The following ZDHHC21 variants were observed in gnomAD, a reference collection of about 807,000 sequenced individuals.
ZDHHC21 encodes palmitoyltransferase ZDHHC21.
Under a neutral mutation model 34.6 loss-of-function variants are expected in ZDHHC21, and 15 were observed. The ratio of observed to expected loss-of-function variants is 0.43; its 90% CI spans 0.29 to 0.67. ZDHHC21 has a LOEUF of 0.67. Among genes scored for constraint, ZDHHC21 ranks in the 30% least tolerant of loss-of-function variants. ZDHHC21 has a pLI of 0.14. For synonymous variants in ZDHHC21, 142 were observed against 101.8 expected, an observed-to-expected ratio of 1.40 and a Z score of -2.38; for missense variants, 344 against 327.7, an observed-to-expected ratio of 1.05 and a Z score of -0.38.
intron 2 of ZDHHC21, among the ~76,000 whole-genome samples, chr9:14,682,250 T>C (rs1351167940): frequency 6.6e-6 from 1 of 152,138 alleles, no homozygotes; most frequent in African/African-American, 2.4e-5. Flanking sequence ...ACTGGCAAAT[T>C]GGATAAAGAG....
Position 14,658,781 on chromosome 9 carries a change from A to C in ZDHHC21, c.472T>G (p.Tyr158Asp). The change falls in exon 7 of 10, where the codon TAC (tyrosine) becomes GAC (aspartate). Residue 158 changes from tyrosine to aspartate, a missense_variant. Coordinates refer to ENST00000380916, the MANE Select transcript of ZDHHC21 (RefSeq NM_178566.6). The stretch of plus-strand genomic sequence containing the variant: ...CGCTTTTTTAGTGGAAGAAAATAGT[A>C]ATAGTGGCAGAAAGAAAACATCAGT... ...YALMFSFCHYYYFLPLKKRNL... is the reference protein window; with the variant it reads ...YALMFSFCHYDYFLPLKKRNL... 1 of 1,613,922 alleles carries C rather than the reference A, an allele frequency of 6.2e-7. No homozygotes were observed. The highest frequency in any genetic ancestry group is 8.5e-7 in the Non-Finnish European group (1 of 1,179,952).
chr9:14,607,082 C>CA (rs3081725), downstream of ZDHHC21, among the ~76,000 whole-genome samples: 15,522 of 131,604 alleles, frequency 0.12, 1,373 homozygotes, highest in African/African-American at 0.24. Context: ...TTACTAATAG[C>CA]AAAAAAAAAA....
chr9:14,639,426 TTA>T (rs745443940), intron 8 of ZDHHC21, among the ~76,000 whole-genome samples: 7 of 152,010 alleles, frequency 4.6e-5, no homozygotes, highest in Non-Finnish European at 7.4e-5. Context: ...AAGAAATAAG[TTA>T]TAATGCTCAG....
Position 14,615,394 on chromosome 9 carries a change from A to G in ZDHHC21, c.*3572T>C, listed in dbSNP as rs1428674128. 1 of 151,766 alleles carries G rather than the reference A, an allele frequency of 6.6e-6. No homozygotes were observed. Among genetic ancestry groups the G allele is most frequent in the Non-Finnish European group, 1.5e-5 (1 of 67,752 alleles). The allele number at this position is 151,766 out of a possible 1,614,324, so 9.4% of individuals were successfully genotyped here. ...TGGCAGATGTTTTAACTCAGCTGTT[A>G]TACTGAACATTACGTATTATGTTCT... On this transcript the variant is annotated 3_prime_UTR_variant, in exon 10 of 10. Transcript: ENST00000380916.
Position 14,640,011 on chromosome 9 carries a change from T to A in ZDHHC21, c.506A>T (p.Asp169Val). ...YFLPLKKRNL[D>V]LFVFRHELAI... The stretch of plus-strand genomic sequence containing the variant: ...CAATTCATGTCTAAAAACAAAGAGG[T>A]CCTAAAAAGAAAAAGAAAGTCTTAA... Residue 169 changes from aspartate to valine, a missense_variant and splice_region_variant, in exon 8 of 10, where the codon GAC (aspartate) becomes GTC (valine). By Grantham distance (152) the Asp-to-Val change is radical. Coordinates refer to ENST00000380916, the MANE Select transcript of ZDHHC21 (RefSeq NM_178566.6). 1 of 1,579,458 alleles carries A rather than the reference T, an allele frequency of 6.3e-7. No individual in the cohort carries two copies. Among genetic ancestry groups the A allele is most frequent in the Non-Finnish European group, 8.6e-7 (1 of 1,160,026 alleles).
intron 7 of ZDHHC21, among the ~76,000 whole-genome samples, chr9:14,656,263 A>T (rs1832188765): frequency 6.6e-6 from 1 of 151,954 alleles, no homozygotes; most frequent in Non-Finnish European, 1.5e-5. Context: ...AAGTTTAGTT[A>T]TAATTCTGGT....
At chr9:14,605,329 A>G in the ZDHHC21 span, among the ~76,000 whole-genome samples, 2 of 152,030 alleles carry the variant, frequency 1.3e-5, no homozygotes, top group Non-Finnish European at 2.9e-5. Flanking sequence ...GTAACAGTAC[A>G]TAAGGGTTCC....
chr9:14,621,569 G>C (rs1825309441), intron 8 of ZDHHC21, among the ~76,000 whole-genome samples: 1 of 152,184 alleles, frequency 6.6e-6, no homozygotes, highest in South Asian at 2.1e-4. Context: ...TTATGAGTAG[G>C]ATTTGTGAGG....
At chr9:14,606,176 T>G (rs1823009660), downstream of ZDHHC21, among the ~76,000 whole-genome samples, 1 of 152,152 alleles carries the variant, frequency 6.6e-6, no homozygotes, top group Admixed American at 6.5e-5. Flanking sequence ...CAACAATATC[T>G]CCCATCCTAT....
chr9:14,686,540 A>G (rs1838351248), intron 2 of ZDHHC21, among the ~76,000 whole-genome samples: 1 of 152,238 alleles, frequency 6.6e-6, no homozygotes, highest in South Asian at 2.1e-4. Flanking sequence ...GAACCTGTAT[A>G]TCCTCCCAGG....
intron 7 of ZDHHC21, among the ~76,000 whole-genome samples, chr9:14,646,742 C>CAG (rs1191858602): frequency 1.3e-5 from 2 of 152,154 alleles, no homozygotes; most frequent in African/African-American, 4.8e-5. Context: ...ATCGCCTTAT[C>CAG]AGAGACCTTT....
intron 7 of ZDHHC21, among the ~76,000 whole-genome samples, chr9:14,642,200 CTTT>C (rs1345512300): frequency 6.6e-6 from 1 of 152,082 alleles, no homozygotes; most frequent in African/African-American, 2.4e-5. Context: ...CTAGAAATTG[CTTT>C]TTATCACTTT....
intron 5 of ZDHHC21, among the ~76,000 whole-genome samples, chr9:14,669,467 T>A (rs1835068127): frequency 6.7e-6 from 1 of 149,998 alleles, no homozygotes; most frequent in African/African-American, 2.5e-5. Flanking sequence ...GATCTAGAAC[T>A]AGAAATACCA....
At chr9:14,591,294 T>G in the ZDHHC21 span, among the ~76,000 whole-genome samples, 47 of 152,210 alleles carry the variant, frequency 3.1e-4, no homozygotes, top group African/African-American at 1.1e-3. Context: ...TAGGAGATTA[T>G]TAGGTCATGA....
At chr9:14,656,940 A>G (rs1832344059) in intron 7 of ZDHHC21, among the ~76,000 whole-genome samples, 1 of 152,002 alleles carries the variant, frequency 6.6e-6, no homozygotes, top group Non-Finnish European at 1.5e-5. Flanking sequence ...ATCTCTTAAT[A>G]AACATTTACT....
Position 14,662,257 on chromosome 9 carries a change from C to T in ZDHHC21, c.323G>A (p.Arg108His), listed in dbSNP as rs1434372522. 1.4e-5 allele frequency: 23 copies of T among 1,612,700 alleles called. No homozygotes were observed. The highest frequency in any genetic ancestry group is 8.4e-5 in the Admixed American group (5 of 59,672). The change falls in exon 6 of 10, where the codon CGC becomes CAC. Residue 108 changes from arginine to histidine, a missense_variant. By Grantham distance (29) the Arg-to-His change is conservative. Transcript: ENST00000380916. ...MRPKRSHHCS[R>H]CGHCVRRMDH... Reference sequence around the variant, plus strand: ...CATTCTCCTCACACAGTGGCCGCAGCGGCTACAGTGATGGGAACGCTTTGG... The same window carrying T: ...CATTCTCCTCACACAGTGGCCGCAGTGGCTACAGTGATGGGAACGCTTTGG...
Position 14,611,914 on chromosome 9 carries a change from A to G in ZDHHC21, c.*7052T>C, listed in dbSNP as rs1823369246. ...TATGAAGTAGAATTTTTTTTCTTTT[A>G]TATGTTCATCTCTGGGAGACAGTGA... On this transcript the variant is annotated 3_prime_UTR_variant, in exon 10 of 10. Coordinates refer to ENST00000380916, the MANE Select transcript of ZDHHC21 (RefSeq NM_178566.6). 1 of 151,842 alleles carries G rather than the reference A, an allele frequency of 6.6e-6. No homozygotes were observed. The highest frequency in any genetic ancestry group is 1.5e-5 in the Non-Finnish European group (1 of 67,894). 9.4% of individuals were successfully genotyped at this position (151,842 alleles called of 1,614,324 possible).
chr9:14,680,946 C>G (rs541572531), intron 2 of ZDHHC21, among the ~76,000 whole-genome samples: 2 of 152,014 alleles, frequency 1.3e-5, no homozygotes, highest in African/African-American at 4.8e-5. Flanking sequence ...GACAACAAAC[C>G]CTGTGAGGTA....
the ZDHHC21 span, among the ~76,000 whole-genome samples, chr9:14,597,441 A>G: frequency 3.3e-5 from 5 of 152,172 alleles, no homozygotes; most frequent in East Asian, 1.9e-4. Context: ...AGGGAGCTGA[A>G]GCACACACTC....
Sources: gnomAD v4.1 joint callset for allele counts (sites outside exome capture counted in the v4.1 genomes callset) on GRCh38, gnomAD v4.1.1 for gene constraint, MANE v1.5 for transcripts, NCBI Gene and HGNC (gene_info 2026-07-23, HGNC 2026-07-21) for gene names.